Variants in SIMC1 observed in about 807,000 individuals in gnomAD.
The protein encoded by SIMC1 is SUMO-interacting motif-containing protein 1.
Under a neutral mutation model 82.3 loss-of-function variants are expected in SIMC1, and 55 were observed. The ratio of observed to expected loss-of-function variants is 0.67; its 90% CI spans 0.54 to 0.84. The LOEUF is 0.84. Among genes scored for constraint, SIMC1 ranks in the 40% least tolerant of loss-of-function variants. The pLI, the probability that SIMC1 is intolerant of heterozygous loss-of-function variation, is 0.00. For missense variants in SIMC1, 915 were observed against 1,107.2 expected, an observed-to-expected ratio of 0.83 and a Z score of 2.46; for synonymous variants, 353 against 426.3, an observed-to-expected ratio of 0.83 and a Z score of 2.12.
chr5:176,285,499 G>A (rs1286470504), intron 1 of SIMC1, among the ~76,000 whole-genome samples: 2 of 152,124 alleles, frequency 1.3e-5, no homozygotes, highest in Non-Finnish European at 2.9e-5. Context: ...AAAATAATAA[G>A]AGCTGTTTAT....
intron 1 of SIMC1, chr5:176,261,261 C>A (rs1762006060): frequency 6.6e-6 from 1 of 152,064 alleles, no homozygotes; most frequent in Non-Finnish European, 1.5e-5. Context: ...CCCACCTCAG[C>A]CTCCTAAAGT....
At chr5:176,293,204 G>A (rs1311125823) in intron 2 of SIMC1, among the ~76,000 whole-genome samples, 2 of 152,132 alleles carry the variant, frequency 1.3e-5, no homozygotes, top group Non-Finnish European at 2.9e-5. Flanking sequence ...TTGGGAGGCC[G>A]TGGTCGGTGG....
At chr5:176,322,174 C>T (rs773682482) in intron 5 of SIMC1, 99 bp from the exon 6 acceptor site, 11 of 1,390,732 alleles carry the variant, frequency 7.9e-6, no homozygotes, top group Non-Finnish European at 9.6e-6. Context: ...GTTCTGAGCA[C>T]CATAAATACA....
At chr5:176,340,579 A>G (rs1766093206) in intron 9 of SIMC1, among the ~76,000 whole-genome samples, 2 of 152,184 alleles carry the variant, frequency 1.3e-5, no homozygotes, top group Non-Finnish European at 2.9e-5. Context: ...AGCAGGTAGG[A>G]TCAGTTCAAT....
intron 4 of SIMC1, chr5:176,313,340 C>G: frequency 2.7e-6 from 4 of 1,487,164 alleles, no homozygotes; most frequent in Non-Finnish European, 3.6e-6. Flanking sequence ...ATGGCTGCCT[C>G]TTAAATCAAA....
rs1211894197 is a variant in SIMC1, at chr5:176,287,019, A to G, written c.130-2635A>G. ...GATGTGAAGAAATAGGAACACTTTTACACTGTTGGTGGGACTGTAAACTAG... is the reference window on the plus strand; with the variant it reads ...GATGTGAAGAAATAGGAACACTTTTGCACTGTTGGTGGGACTGTAAACTAG... On this transcript the variant is annotated intron_variant, in intron 1 of 9. Transcript: ENST00000429602. Among the ~76,000 whole-genome samples the G allele has an allele frequency of 3.9e-5, 6 of 152,350 alleles. No homozygotes were observed. In the East Asian group the frequency reaches 1.2e-3, roughly 29 times the overall value.
rs1269011563 is a variant in SIMC1 at position 176,313,909 on chromosome 5, AG to A, written c.1889+66del. On this transcript the variant is annotated intron_variant, in intron 5 of 9. Coordinates refer to ENST00000429602, the MANE Select transcript of SIMC1 (RefSeq NM_001308195.2). ...GGGATTATAGGTGGGCAGCTGCTGA[AG>A]GCCAGAATATCAGCCAGGTGAGGTT... 1.9e-6 allele frequency: 3 copies of A among 1,596,940 alleles called. No homozygotes were observed. The African/African-American group carries it at 4.0e-5, about 21-fold the overall frequency.
intron 1 of SIMC1, among the ~76,000 whole-genome samples, chr5:176,246,065 A>T (rs906920313): frequency 4.1e-5 from 6 of 146,552 alleles, no homozygotes; most frequent in African/African-American, 1.5e-4. Context: ...GCTGGAGTGC[A>T]GTGGCACGAT....
At chr5:176,305,793 C>CGGGA (rs1764329753) in intron 4 of SIMC1, among the ~76,000 whole-genome samples, 1 of 58,686 alleles carries the variant, frequency 1.7e-5, no homozygotes, top group Non-Finnish European at 3.6e-5. Flanking sequence ...CCGCCCCGTC[C>CGGGA]GGGAGGGAGG....
chr5:176,308,411 A>G, intron 4 of SIMC1: 2 of 1,607,064 alleles, frequency 1.2e-6, no homozygotes, highest in Non-Finnish European at 8.5e-7. Flanking sequence ...ACCCCATGAG[A>G]GTTGTGGGCT....
At chr5:176,262,810 A>C (rs151227197) in intron 1 of SIMC1, among the ~76,000 whole-genome samples, 3,109 of 152,152 alleles carry the variant, frequency 0.02, 118 homozygotes, top group African/African-American at 0.07. Context: ...GTCTCAAAAA[A>C]AGAAAAAGTA....
chr5:176,238,585 G>A lies in SIMC1; in HGVS notation c.77G>A (p.Arg26Lys). 1.6e-6 allele frequency: 2 copies of A among 1,281,132 alleles called. No individual in the cohort carries two copies. Among genetic ancestry groups the A allele is most frequent in the South Asian group, 2.4e-5 (1 of 42,028 alleles). 79.4% of individuals were successfully genotyped at this position (1,281,132 alleles called of 1,614,324 possible). A position where few individuals can be genotyped will look rare whatever the true frequency, so the allele number is the denominator to read the frequency against. Reference sequence around the variant, plus strand: ...GGCGCCCGCCCGGGCCGGTCGCGGAGGCCGCGCCGGGCCCTGTCGCGAACC... The same window carrying A: ...GGCGCCCGCCCGGGCCGGTCGCGGAAGCCGCGCCGGGCCCTGTCGCGAACC... ...SGGARPGRSR[R>K]PRRALSRTSG... Residue 26 changes from arginine to lysine, a missense_variant, in exon 1 of 10, where the codon AGG becomes AAG. This residue lies in a region of SIMC1 where 13 missense variants were observed against 66.9 expected (regional missense o/e 0.19). Transcript: ENST00000429602.
chr5:176,263,007 G>A (rs370739791), intron 1 of SIMC1, among the ~76,000 whole-genome samples: 2 of 151,326 alleles, frequency 1.3e-5, no homozygotes, highest in East Asian at 1.9e-4. Context: ...ATGAAAAAGT[G>A]GAATTTGAAA....
chr5:176,281,191 T>C lies in SIMC1; in HGVS notation c.130-8463T>C, dbSNP rs564430076. ...TTCATTTCATTCATTTCATCTTCCATCGCTGATACCCTTTCTTCCAGTTGA... is the reference window on the plus strand; with the variant it reads ...TTCATTTCATTCATTTCATCTTCCACCGCTGATACCCTTTCTTCCAGTTGA... On this transcript the variant is annotated intron_variant, in intron 1 of 9. Coordinates refer to ENST00000429602, the MANE Select transcript of SIMC1 (RefSeq NM_001308195.2). Among the ~76,000 whole-genome samples the C allele has an allele frequency of 5.9e-5, 9 of 152,356 alleles. 1 individual carries two copies. In the South Asian group the frequency reaches 1.9e-3, roughly 32 times the overall value.
At chr5:176,313,111 T>C in intron 4 of SIMC1, 1 of 248,808 alleles carries the variant, frequency 4.0e-6, no homozygotes, top group South Asian at 1.0e-4. Context: ...AATACCCAAC[T>C]CAGGCTTGGC....
intron 1 of SIMC1, among the ~76,000 whole-genome samples, chr5:176,271,951 T>C (rs1438934992): frequency 2.8e-5 from 4 of 144,968 alleles, no homozygotes; most frequent in African/African-American, 1.0e-4. Context: ...TTATATATTA[T>C]ATATTATGTA....
intron 1 of SIMC1, among the ~76,000 whole-genome samples, chr5:176,244,253 T>A (rs1178899118): frequency 1.5e-5 from 1 of 68,732 alleles, no homozygotes; most frequent in Non-Finnish European, 2.8e-5. Flanking sequence ...GTTGGTGTCA[T>A]GCATTGAAAT....
At chr5:176,320,242 T>C (rs1194940067) in intron 5 of SIMC1, among the ~76,000 whole-genome samples, 1 of 152,228 alleles carries the variant, frequency 6.6e-6, no homozygotes, top group South Asian at 2.1e-4. Flanking sequence ...CCATCTGTTT[T>C]ACCTCTCCAC....
At chr5:176,324,803 CA>C (rs756275925) in intron 7 of SIMC1, 46 bp downstream of exon 7, 27 of 1,468,068 alleles carry the variant, frequency 1.8e-5, no homozygotes, top group East Asian at 7.6e-5. Context: ...AAAAAAAAAA[CA>C]AAAAAAACTC....
Sources: gnomAD v4.1 joint callset for allele counts (sites outside exome capture counted in the v4.1 genomes callset) on GRCh38, gnomAD v4.1.1 for gene constraint, gnomAD v4.1.1 regional missense constraint, MANE v1.5 for transcripts, NCBI Gene and HGNC (gene_info 2026-07-23, HGNC 2026-07-21) for gene names.